The following EPHB2 variants were observed in gnomAD, a reference collection of about 807,000 sequenced individuals.
The protein encoded by EPHB2 is ephrin type-B receptor 2.
A neutral mutation model predicts 96.4 loss-of-function variants in EPHB2; 18 were observed. The ratio of observed to expected loss-of-function variants is 0.19; its 90% confidence interval spans 0.13 to 0.28. EPHB2 has a LOEUF of 0.28. EPHB2 is among the 10% of genes least tolerant of loss of function. The pLI is 1.00. For synonymous variants in EPHB2, 506 were observed against 534.1 expected (o/e 0.95, Z 0.72); for missense variants, 989 against 1,355.4 (o/e 0.73, Z 4.25).
intron 4 of EPHB2, 131 bp downstream of exon 4, chr1:22,863,323 G>A (rs1638344681): frequency 2.0e-6 from 3 of 1,488,654 alleles, no homozygotes; most frequent in Non-Finnish European, 2.7e-6. Flanking sequence ...AAATGGAAAA[G>A]TGCTCAAGAA....
At chr1:22,747,812 C>T (rs1643998432) in intron 1 of EPHB2, among the ~76,000 whole-genome samples, 2 of 152,332 alleles carry the variant, frequency 1.3e-5, no homozygotes, top group African/African-American at 4.8e-5. Flanking sequence ...GCCGGTCTGC[C>T]TGGGGAAAAG....
At chr1:22,737,877 G>T (rs972027774) in intron 1 of EPHB2, among the ~76,000 whole-genome samples, 2 of 152,234 alleles carry the variant, frequency 1.3e-5, no homozygotes, top group East Asian at 3.9e-4. Context: ...ACTCCCACAA[G>T]ACCTTGGAAG....
At chr1:22,853,195 G>A (rs1645649468) in intron 3 of EPHB2, among the ~76,000 whole-genome samples, 1 of 152,196 alleles carries the variant, frequency 6.6e-6, no homozygotes, top group South Asian at 2.1e-4. Flanking sequence ...CTAAAAATAT[G>A]ATAAAAAATT....
intron 7 of EPHB2, 146 bp downstream of exon 7, chr1:22,893,192 A>T: frequency 7.8e-7 from 1 of 1,281,890 alleles, no homozygotes; most frequent in Non-Finnish European, 1.1e-6. Flanking sequence ...CCTAATTTCG[A>T]ACCTTTGTGC....
intron 3 of EPHB2, among the ~76,000 whole-genome samples, chr1:22,820,546 C>G (rs1182393219): frequency 6.6e-6 from 1 of 151,954 alleles, no homozygotes; most frequent in East Asian, 1.9e-4. Flanking sequence ...GCCTATGGTC[C>G]CAACTACTCA....
chr1:22,751,347 C>T (rs1455244425), intron 1 of EPHB2, among the ~76,000 whole-genome samples: 1 of 152,200 alleles, frequency 6.6e-6, no homozygotes, highest in African/African-American at 2.4e-5. Context: ...GAGGTGTGCT[C>T]ACCTGCCCAG....
chr1:22,903,640 G>A (rs567957950), intron 9 of EPHB2, among the ~76,000 whole-genome samples: 2 of 152,162 alleles, frequency 1.3e-5, no homozygotes, highest in African/African-American at 2.4e-5. Flanking sequence ...GGGAATAATG[G>A]TCCTTTCCTC....
intron 1 of EPHB2, among the ~76,000 whole-genome samples, chr1:22,713,562 C>T (rs1643214134): frequency 6.6e-6 from 1 of 152,130 alleles, no homozygotes; most frequent in South Asian, 2.1e-4. Flanking sequence ...ATGGACGGTG[C>T]TGCCTGTGCA....
In EPHB2 at chr1:22,914,336, C is replaced by G. The variant is rs1640208367; in HGVS notation, c.*766C>G. On this transcript the variant is annotated 3_prime_UTR_variant, in exon 16 of 16. Transcript: ENST00000374630. ...CAGCTCCAGGTACATATCACGCGCACAGCCTGGCAGCCTGGCCCTCCTGGT... is the reference window on the plus strand; with the variant it reads ...CAGCTCCAGGTACATATCACGCGCAGAGCCTGGCAGCCTGGCCCTCCTGGT... The G allele has an allele frequency of 6.2e-6, 1 of 161,752 alleles. No homozygotes were observed. The highest frequency in any genetic ancestry group is 1.4e-5 in the Non-Finnish European group (1 of 73,270). The allele number at this position is 161,752 out of a possible 1,614,324, so 10.0% of individuals were successfully genotyped here.
At chr1:22,867,626 C>T (rs970539553) in intron 5 of EPHB2, among the ~76,000 whole-genome samples, 9 of 152,202 alleles carry the variant, frequency 5.9e-5, no homozygotes, top group African/African-American at 1.9e-4. Context: ...AATCCCAGCA[C>T]TTTGGGAGGC....
chr1:22,877,601 C>T (rs1460865640), intron 5 of EPHB2, among the ~76,000 whole-genome samples: 1 of 152,126 alleles, frequency 6.6e-6, no homozygotes, highest in East Asian at 1.9e-4. Flanking sequence ...ACCCTCTGAG[C>T]TCCAGGGCCG....
chr1:22,805,088 C>T (rs1644904860), intron 3 of EPHB2, among the ~76,000 whole-genome samples: 1 of 151,398 alleles, frequency 6.6e-6, no homozygotes, highest in African/African-American at 2.4e-5. Flanking sequence ...CAGGGCCACA[C>T]CTTGCCCCCT....
rs1643756979 is a variant in EPHB2, at chr1:22,733,282, C to T, written c.61+22239C>T. 1.3e-5 allele frequency among the ~76,000 whole-genome samples: 2 copies of T among 152,098 alleles called. No homozygotes were observed. Among genetic ancestry groups the T allele is most frequent in the South Asian group, 2.1e-4 (1 of 4,824 alleles). ...CAGGCTGGTCTCAAACTTCTGACCT[C>T]AGGTGATTTGCCCACCTCAGCCTTC... On this transcript the variant is annotated intron_variant, in intron 1 of 15. Coordinates refer to ENST00000374630, the MANE Select transcript of EPHB2 (RefSeq NM_017449.5). The surrounding 1 kb of genome is among the most constrained non-coding windows in gnomAD (Gnocchi z 4.6).
chr1:22,837,228 G>C (rs117183533), intron 3 of EPHB2, among the ~76,000 whole-genome samples: 1 of 152,302 alleles, frequency 6.6e-6, no homozygotes, highest in Middle Eastern at 3.4e-3. Context: ...AGGCCTGAAG[G>C]GGGGAAGCCA....
chr1:22,713,213 C>G (rs1245912082), intron 1 of EPHB2, among the ~76,000 whole-genome samples: 2 of 152,152 alleles, frequency 1.3e-5, no homozygotes, highest in Non-Finnish European at 1.5e-5. Flanking sequence ...CGTTTGCCCC[C>G]TGGACACTAG....
intron 3 of EPHB2, chr1:22,836,674 CTG>C (rs1645390567): frequency 6.5e-6 from 1 of 152,880 alleles, no homozygotes; most frequent in Non-Finnish European, 1.5e-5. Context: ...CTCACCTTTT[CTG>C]TGTGTTTCAA....
In EPHB2 at chr1:22,715,004, T is replaced by G. The variant is rs144573268; in HGVS notation, c.61+3961T>G. 3.3e-4 allele frequency among the ~76,000 whole-genome samples: 50 copies of G among 152,344 alleles called. 1 individual carries two copies. In the East Asian group the frequency reaches 9.6e-3, roughly 29 times the overall value. On this transcript the variant is annotated intron_variant, in intron 1 of 15. Coordinates refer to ENST00000374630, the MANE Select transcript of EPHB2 (RefSeq NM_017449.5). Reference sequence around the variant, plus strand: ...TTGGCATCTGCCTTGCCCACTAGACTGTAAACTCCAGGACTTCATCTGCCA... The same window carrying G: ...TTGGCATCTGCCTTGCCCACTAGACGGTAAACTCCAGGACTTCATCTGCCA...
In EPHB2 at chr1:22,747,652, G is replaced by T. The variant is rs548286943; in HGVS notation, c.62-33769G>T. 2.0e-5 allele frequency among the ~76,000 whole-genome samples: 3 copies of T among 152,374 alleles called. No homozygotes were observed. In the South Asian group the frequency reaches 6.2e-4, roughly 32 times the overall value. The stretch of plus-strand genomic sequence containing the variant: ...AGACCCCCAGTCATCAGGGACCTCT[G>T]CCAGCAGGGGCGGCCTGCAGGAGAG... On this transcript the variant is annotated intron_variant, in intron 1 of 15. Transcript: ENST00000374630.
At chr1:22,770,186 C>T (rs376777931) in intron 1 of EPHB2, among the ~76,000 whole-genome samples, 9 of 151,670 alleles carry the variant, frequency 5.9e-5, no homozygotes, top group East Asian at 1.9e-4. Context: ...TAGATGTGTG[C>T]GGATGGGTAA....
Sources: allele counts gnomAD v4.1 joint callset (sites outside exome capture counted in the v4.1 genomes callset), GRCh38; gene constraint gnomAD v4.1.1; non-coding constraint Gnocchi (gnomAD v3.1); transcripts MANE v1.5; gene names NCBI Gene and HGNC (gene_info 2026-07-23, HGNC 2026-07-21).